The following STAU2 variants were observed in gnomAD, a reference collection of about 807,000 sequenced individuals.
STAU2 encodes the protein staufen double-stranded RNA binding protein 2.
Under a neutral mutation model 65.9 loss-of-function variants are expected in STAU2, and 20 were observed. That is an observed-to-expected ratio of 0.30 (90% CI 0.21 to 0.44). STAU2 has a LOEUF of 0.44. Ranked by LOEUF, STAU2 falls within the 20% of genes least tolerant of loss-of-function variation. The pLI, the probability that STAU2 is intolerant of heterozygous loss-of-function variation, is 1.00. For missense variants in STAU2, 558 were observed against 683.9 expected (o/e 0.82, Z 2.05); for synonymous variants, 232 against 233.9 (o/e 0.99, Z 0.07).
intron 11 of STAU2, among the ~76,000 whole-genome samples, chr8:73,589,781 T>C (rs1810632937): frequency 6.6e-6 from 1 of 152,104 alleles, no homozygotes; most frequent in African/African-American, 2.4e-5. Flanking sequence ...AAATATATTT[T>C]AAAAGATAAT....
At chr8:73,556,166 A>AGTTGT (rs1807750159) in intron 12 of STAU2, among the ~76,000 whole-genome samples, 1 of 152,230 alleles carries the variant, frequency 6.6e-6, no homozygotes, top group African/African-American at 2.4e-5. Context: ...AACTAATACT[A>AGTTGT]AAAGTATAAA....
chr8:73,546,497 T>C (rs977415673), intron 13 of STAU2, among the ~76,000 whole-genome samples: 2 of 152,196 alleles, frequency 1.3e-5, no homozygotes, highest in South Asian at 2.1e-4. Flanking sequence ...TCTGAAATAA[T>C]ATATGTAATG....
chr8:73,557,106 G>A (rs1419748331), intron 12 of STAU2, among the ~76,000 whole-genome samples: 3 of 152,058 alleles, frequency 2.0e-5, no homozygotes, highest in Non-Finnish European at 4.4e-5. Flanking sequence ...CATTACTTCA[G>A]TATTGTTATT....
intron 13 of STAU2, among the ~76,000 whole-genome samples, chr8:73,463,964 C>T (rs1425701627): frequency 6.6e-6 from 1 of 152,168 alleles, no homozygotes; most frequent in East Asian, 1.9e-4. Context: ...GGTGTTAATA[C>T]ATCATAATTC....
At chr8:73,491,062 G>A (rs896510793) in intron 13 of STAU2, among the ~76,000 whole-genome samples, 3 of 151,914 alleles carry the variant, frequency 2.0e-5, no homozygotes, top group Non-Finnish European at 4.4e-5. Flanking sequence ...ATTAATGCCT[G>A]GAAATAAACA....
At chr8:73,735,242 T>G (rs796414964) in intron 3 of STAU2, among the ~76,000 whole-genome samples, 9 of 152,320 alleles carry the variant, frequency 5.9e-5, no homozygotes, top group African/African-American at 2.2e-4. Flanking sequence ...CTTTACACAT[T>G]TACCTTGAGA....
In STAU2 at chr8:73,688,698, T is replaced by C; in HGVS notation, c.230A>G (p.Lys77Arg). The C allele has an allele frequency of 7.4e-6, 12 of 1,614,184 alleles. No individual in the cohort carries two copies. The highest frequency in any genetic ancestry group is 1.0e-5 in the Non-Finnish European group (12 of 1,180,030). The change falls in exon 5 of 15, where the codon AAA becomes AGA. Residue 77 changes from lysine (K) to arginine (R), a missense_variant. Lys to Arg is a conservative substitution (Grantham distance 26). Around this residue, in one of 3 missense-constraint regions of STAU2, gnomAD observed 112 missense variants for 114.2 expected, o/e 0.98. Coordinates refer to ENST00000524300, the MANE Select transcript of STAU2 (RefSeq NM_001164380.2). Reference protein sequence around the residue: ...NKALTESTLPKPVQKPPKSNV... With the variant: ...NKALTESTLPRPVQKPPKSNV... Reference sequence around the variant, plus strand: ...ACTTTTGGGTGGCTTCTGAACTGGTTTGGGAAGCGTAGATTCAGTCAAAGC... The same window carrying C: ...ACTTTTGGGTGGCTTCTGAACTGGTCTGGGAAGCGTAGATTCAGTCAAAGC...
At chr8:73,564,494 A>G (rs1808456287) in intron 12 of STAU2, among the ~76,000 whole-genome samples, 1 of 152,046 alleles carries the variant, frequency 6.6e-6, no homozygotes, top group African/African-American at 2.4e-5. Flanking sequence ...CGAAGGGTGA[A>G]GGGTGGAGGG....
At chr8:73,566,749 T>G (rs969910194) in intron 12 of STAU2, among the ~76,000 whole-genome samples, 2 of 151,986 alleles carry the variant, frequency 1.3e-5, no homozygotes, top group African/African-American at 4.8e-5. Flanking sequence ...ACATGTGAGG[T>G]TGGACATTCT....
In STAU2 at chr8:73,664,347, T is replaced by G. The variant is rs1428420912; in HGVS notation, c.410+8760A>C. On this transcript the variant is annotated intron_variant, in intron 6 of 14. Coordinates refer to ENST00000524300, the MANE Select transcript of STAU2 (RefSeq NM_001164380.2). ...CCTTAAGTATAATGTTGAACAGAAG[T>G]GATAACAGTGTGTATTACTGCCTTG... is the stretch of plus-strand genomic sequence containing the variant. Among the ~76,000 whole-genome samples the G allele has an allele frequency of 2.0e-5, 3 of 152,182 alleles. No individual in the cohort carries two copies. The East Asian group carries it at 5.8e-4, about 29-fold the overall frequency.
intron 10 of STAU2, among the ~76,000 whole-genome samples, chr8:73,596,113 T>C (rs1465533446): frequency 1.5e-5 from 2 of 134,936 alleles, no homozygotes; most frequent in Non-Finnish European, 3.2e-5. Context: ...ACTCCATCTT[T>C]AAAAAAAAAA....
At chr8:73,622,105 C>T (rs1586140938) in intron 6 of STAU2, among the ~76,000 whole-genome samples, 2 of 146,454 alleles carry the variant, frequency 1.4e-5, no homozygotes, top group East Asian at 2.0e-4. Context: ...TACAGGCGCC[C>T]GCCACCATGC....
rs180817725 is a variant in STAU2, at chr8:73,437,818, A to C, written c.1531-15116T>G. 2.2e-4 allele frequency among the ~76,000 whole-genome samples: 34 copies of C among 152,210 alleles called. No individual in the cohort carries two copies. In the East Asian group the frequency reaches 6.2e-3, roughly 28 times the overall value. ...CCACTCCTCACGGGCCAGTCAGGCA[A>C]GAAGAGAAGAGCTCGCCCTCCTGCT... On this transcript the variant is annotated intron_variant, in intron 13 of 14. Coordinates refer to ENST00000524300, the MANE Select transcript of STAU2 (RefSeq NM_001164380.2).
intron 13 of STAU2, among the ~76,000 whole-genome samples, chr8:73,437,622 G>T (rs1192449738): frequency 6.6e-6 from 1 of 152,200 alleles, no homozygotes; most frequent in African/African-American, 2.4e-5. Flanking sequence ...TGTCACCACA[G>T]TCATGGAAAA....
intron 13 of STAU2, among the ~76,000 whole-genome samples, chr8:73,485,474 C>T (rs1294857448): frequency 6.6e-6 from 1 of 151,884 alleles, no homozygotes; most frequent in Non-Finnish European, 1.5e-5. Context: ...GCAAGTAGGA[C>T]CACGGAAGGG....
intron 13 of STAU2, among the ~76,000 whole-genome samples, chr8:73,536,485 C>G (rs1455549593): frequency 6.6e-6 from 1 of 152,314 alleles, no homozygotes; most frequent in Non-Finnish European, 1.5e-5. Flanking sequence ...CCTCCATCCC[C>G]AACAGCAAAA....
intron 6 of STAU2, among the ~76,000 whole-genome samples, chr8:73,629,267 C>T (rs1242167457): frequency 1.3e-5 from 2 of 152,170 alleles, no homozygotes; most frequent in Admixed American, 1.3e-4. Context: ...CATACTAAAT[C>T]CCATTTTCCC....
At chr8:73,449,441 A>G (rs975009200) in intron 13 of STAU2, among the ~76,000 whole-genome samples, 2 of 152,192 alleles carry the variant, frequency 1.3e-5, no homozygotes, top group African/African-American at 4.8e-5. Context: ...TCTTATCGCC[A>G]CTTTACCTCT....
chr8:73,615,900 G>A (rs982243031), intron 7 of STAU2, 118 bp from the exon 8 acceptor site: 2 of 697,952 alleles, frequency 2.9e-6, no homozygotes, highest in Non-Finnish European at 4.8e-6. Context: ...TATATAGACT[G>A]TATCTGCTGC....
Sources: allele counts gnomAD v4.1 joint callset (sites outside exome capture counted in the v4.1 genomes callset), GRCh38; gene constraint gnomAD v4.1.1; regional missense constraint gnomAD v4.1.1; transcripts MANE v1.5; gene names NCBI Gene and HGNC (gene_info 2026-07-23, HGNC 2026-07-21).